TIAM2: variants seen among roughly 807,000 people sequenced by gnomAD.
The protein encoded by TIAM2 is TIAM Rac1 associated GEF 2, also known as rho guanine nucleotide exchange factor TIAM2.
Under a neutral mutation model 152.9 loss-of-function variants are expected in TIAM2, and 80 were observed. The observed-to-expected ratio is 0.52, with a 90% CI of 0.44 to 0.63. The LOEUF (loss-of-function observed/expected upper bound fraction) is 0.63, where lower values mean the gene tolerates loss of function less well. Ranked by LOEUF, TIAM2 falls within the 30% of genes least tolerant of loss-of-function variation. The pLI is 0.00. For synonymous variants in TIAM2, 804 were observed against 838.0 expected, an observed-to-expected ratio of 0.96 and a Z score of 0.70; for missense variants, 1,965 against 2,120.1, an observed-to-expected ratio of 0.93 and a Z score of 1.44.
intron 9 of TIAM2, among the ~76,000 whole-genome samples, chr6:155,170,435 G>A (rs1780557227): frequency 6.6e-6 from 1 of 152,100 alleles, no homozygotes; most frequent in African/African-American, 2.4e-5. Context: ...GGGCAACATG[G>A]TGAAACCCTG....
chr6:155,025,181 G>A (rs1196124731), intron 1 of TIAM2, among the ~76,000 whole-genome samples: 1 of 149,170 alleles, frequency 6.7e-6, no homozygotes, highest in East Asian at 2.0e-4. Context: ...CACCACGTCT[G>A]GCTAATTTTT....
chr6:155,072,123 A>G (rs1224076722), intron 1 of TIAM2, among the ~76,000 whole-genome samples: 6 of 141,364 alleles, frequency 4.2e-5, no homozygotes, highest in Non-Finnish European at 2.9e-5. Context: ...GGCTGGGAGG[A>G]CAGGAGCTGG....
At chr6:155,178,861 C>T (rs1323635972) in intron 10 of TIAM2, among the ~76,000 whole-genome samples, 178 bp from the exon 11 acceptor site, 3 of 152,154 alleles carry the variant, frequency 2.0e-5, no homozygotes, top group Non-Finnish European at 2.9e-5. Context: ...AGGTGTGAGC[C>T]GCTGCCCCTG....
chr6:155,000,641 G>A (rs1778297590), intron 1 of TIAM2, among the ~76,000 whole-genome samples: 1 of 151,282 alleles, frequency 6.6e-6, no homozygotes, highest in Non-Finnish European at 1.5e-5. Context: ...TGACACAAAA[G>A]CAAATTCCTT....
chr6:155,063,055 G>A (rs1777621451), intron 1 of TIAM2, among the ~76,000 whole-genome samples: 1 of 152,010 alleles, frequency 6.6e-6, no homozygotes, highest in Non-Finnish European at 1.5e-5. Context: ...CTTTACATAT[G>A]TTTTGGGAAT....
chr6:155,168,728 A>T (rs1780503014), intron 9 of TIAM2: 7 of 800,344 alleles, frequency 8.7e-6, no homozygotes, highest in Non-Finnish European at 1.3e-5. Flanking sequence ...ACAAATTGTG[A>T]TATGAAGCTC....
intron 2 of TIAM2, among the ~76,000 whole-genome samples, chr6:155,115,262 G>C (rs1040667350): frequency 4.0e-5 from 6 of 151,100 alleles, no homozygotes; most frequent in African/African-American, 1.5e-4. Flanking sequence ...ACATCTTACT[G>C]TATTGCCCAG....
At chr6:155,078,135 C>T (rs1026750142) in intron 1 of TIAM2, among the ~76,000 whole-genome samples, 2 of 152,026 alleles carry the variant, frequency 1.3e-5, no homozygotes. Flanking sequence ...CACGGCTCCT[C>T]CTGGGCTCAA....
chr6:155,208,884 A>G (rs1018005671), intron 14 of TIAM2, among the ~76,000 whole-genome samples: 1 of 152,018 alleles, frequency 6.6e-6, no homozygotes, highest in Admixed American at 6.6e-5. Flanking sequence ...CACTCTGTGC[A>G]GCCACACTCG....
intron 15 of TIAM2, 62 bp downstream of exon 15, chr6:155,211,369 T>C: frequency 7.3e-7 from 1 of 1,375,160 alleles, no homozygotes; most frequent in South Asian, 1.2e-5. Context: ...TTCCCACCTT[T>C]ACCTAAGGTG....
At chr6:155,217,684 T>C (rs1781895476) in intron 15 of TIAM2, among the ~76,000 whole-genome samples, 1 of 152,202 alleles carries the variant, frequency 6.6e-6, no homozygotes, top group African/African-American at 2.4e-5. Flanking sequence ...TTGGCAGGGA[T>C]TATTTTTGCC....
chr6:155,229,959 C>G (rs1400457985), intron 15 of TIAM2, among the ~76,000 whole-genome samples: 1 of 152,068 alleles, frequency 6.6e-6, no homozygotes, highest in South Asian at 2.1e-4. Flanking sequence ...AAACCCACCC[C>G]CATGATTCAA....
chr6:155,220,759 T>G (rs1782013714), intron 15 of TIAM2, among the ~76,000 whole-genome samples: 1 of 152,214 alleles, frequency 6.6e-6, no homozygotes, highest in Non-Finnish European at 1.5e-5. Context: ...AAGCGTGTCT[T>G]ACCTCTTTTT....
chr6:155,006,049 C>T (rs556437490), intron 1 of TIAM2, among the ~76,000 whole-genome samples: 11 of 152,176 alleles, frequency 7.2e-5, no homozygotes, highest in South Asian at 2.1e-4. Context: ...TGGATCGAGC[C>T]GCCTGCCTCT....
At chr6:155,119,160 G>T (rs929551347) in intron 2 of TIAM2, among the ~76,000 whole-genome samples, 1 of 151,486 alleles carries the variant, frequency 6.6e-6, no homozygotes, top group African/African-American at 2.4e-5. Context: ...CCAGCCTCCC[G>T]AGTAGCTGGG....
chr6:155,215,990 G>A (rs189182290), intron 15 of TIAM2, among the ~76,000 whole-genome samples: 4 of 151,946 alleles, frequency 2.6e-5, no homozygotes, highest in African/African-American at 7.2e-5. Flanking sequence ...TTTATTTTTT[G>A]TAGAGACTAG....
intron 1 of TIAM2, among the ~76,000 whole-genome samples, chr6:155,053,582 T>C (rs1027886371): frequency 3.3e-5 from 5 of 151,514 alleles, no homozygotes; most frequent in African/African-American, 7.3e-5. Context: ...GAGATTCTCA[T>C]GCCTCAGCCT....
chr6:155,008,639 G>T (rs548944694), intron 1 of TIAM2, among the ~76,000 whole-genome samples: 1 of 151,890 alleles, frequency 6.6e-6, no homozygotes, highest in East Asian at 1.9e-4. Flanking sequence ...GGGCTACCCC[G>T]CAGGCAGTGT....
At chr6:155,099,754 A>G (rs1375883598) in intron 2 of TIAM2, among the ~76,000 whole-genome samples, 1 of 152,236 alleles carries the variant, frequency 6.6e-6, no homozygotes, top group African/African-American at 2.4e-5. Flanking sequence ...ATAGTCATGT[A>G]TCACTTGACA....
Sources: gnomAD v4.1 joint callset for allele counts (sites outside exome capture counted in the v4.1 genomes callset) on GRCh38, gnomAD v4.1.1 for gene constraint, MANE v1.5 for transcripts, NCBI Gene and HGNC (gene_info 2026-07-23, HGNC 2026-07-21) for gene names.